The following ANAPC1 variants were observed in gnomAD, a reference collection of about 807,000 sequenced individuals.
ANAPC1 encodes the protein anaphase-promoting complex subunit 1.
A neutral mutation model predicts 208.0 loss-of-function variants in ANAPC1; 36 were observed. That is an observed-to-expected ratio of 0.17 (90% CI 0.13 to 0.23). The LOEUF (loss-of-function observed/expected upper bound fraction) is 0.23, where lower values mean the gene tolerates loss of function less well. Among genes scored for constraint, ANAPC1 ranks in the 10% least tolerant of loss-of-function variants. The probability of loss-of-function intolerance (pLI) is 1.00; values close to 1 mark genes in which losing one functional copy is unlikely to be tolerated. For missense variants in ANAPC1, 942 were observed against 2,011.6 expected (o/e 0.47, Z 10.17); for synonymous variants, 378 against 695.2 (o/e 0.54, Z 7.18).
chr2:111,844,313 A>G (rs935245907), intron 16 of ANAPC1, among the ~76,000 whole-genome samples: 4 of 151,934 alleles, frequency 2.6e-5, no homozygotes, highest in Non-Finnish European at 5.9e-5. Flanking sequence ...TCACGCCTGT[A>G]ATCTAAGCAC....
chr2:111,785,673 C>T (rs796770448), intron 39 of ANAPC1, among the ~76,000 whole-genome samples, 196 bp from the exon 40 acceptor site: 213 of 145,308 alleles, frequency 1.5e-3, no homozygotes, highest in South Asian at 3.4e-3. Flanking sequence ...TATAACTGAC[C>T]TTTGACCCAA....
Position 111,843,557 on chromosome 2 carries a change from T to C in ANAPC1, c.1895A>G (p.Glu632Gly). 3.1e-6 allele frequency: 5 copies of C among 1,611,862 alleles called. No homozygotes were observed. The highest frequency in any genetic ancestry group is 4.2e-6 in the Non-Finnish European group (5 of 1,179,770). ...CTTGACAAGCATCTGAACTGCTATT[T>C]CTTTTGGCAGGATAAACTTAATTGC... Reference protein sequence around the residue: ...LQAIKFILPKEIAVQMLVKWY... With the variant: ...LQAIKFILPKGIAVQMLVKWY... Residue 632 changes from glutamate (E) to glycine (G), a missense_variant, in exon 17 of 48, where the codon GAA becomes GGA. Transcript: ENST00000341068.
chr2:111,781,783 G>C (rs1038794558), intron 43 of ANAPC1, among the ~76,000 whole-genome samples: 1 of 152,274 alleles, frequency 6.6e-6, no homozygotes, highest in Non-Finnish European at 1.5e-5. Context: ...CAAGAATATA[G>C]AGCAAAATAT....
chr2:111,869,427 T>C (rs1332575772), intron 6 of ANAPC1, among the ~76,000 whole-genome samples: 2 of 152,170 alleles, frequency 1.3e-5, no homozygotes, highest in African/African-American at 4.8e-5. Context: ...GTATTTTTAG[T>C]AGAGACAGGG....
In ANAPC1 at chr2:111,857,388, C is replaced by T. The variant is rs183710169; in HGVS notation, c.1359-502G>A. Among the ~76,000 whole-genome samples the T allele has an allele frequency of 7.5e-4, 114 of 152,180 alleles. 3 individuals carry two copies. In the Middle Eastern group the frequency reaches 0.017, roughly 23 times the overall value. The stretch of plus-strand genomic sequence containing the variant: ...CAAAATATGAAGGTAAATAAATGGG[C>T]AAAAGATCTGAATAGCTATTTTACC... On this transcript the variant is annotated intron_variant, in intron 11 of 47. Coordinates refer to ENST00000341068, the MANE Select transcript of ANAPC1 (RefSeq NM_022662.4).
At chr2:111,833,033 C>T (rs1159614297) in intron 20 of ANAPC1, among the ~76,000 whole-genome samples, 187 bp downstream of exon 20, 2 of 150,056 alleles carry the variant, frequency 1.3e-5, no homozygotes, top group African/African-American at 4.9e-5. Context: ...TCCCTATACA[C>T]TGAAGATATT....
rs767383936 is a variant in ANAPC1 at position 111,856,800 on chromosome 2, A to C, written c.1445T>G (p.Val482Gly). The C allele has an allele frequency of 6.2e-7, 1 of 1,613,346 alleles. No individual in the cohort carries two copies. The highest frequency in any genetic ancestry group is 8.5e-7 in the Non-Finnish European group (1 of 1,179,842). The change falls in exon 12 of 48, where the codon GTG becomes GGG. Residue 482 changes from valine to glycine, a missense_variant. By Grantham distance (109) the Val-to-Gly change is moderately radical. Transcript: ENST00000341068. ...TCTCAAATGTGCCTACATTACCTCC[A>C]CTGGTGCTGCATCCTTTGCTGGTAT... is the stretch of plus-strand genomic sequence containing the variant. ...TNIPAKDAAP[V>G]EKIDTMLVLE...
rs564905496 is a variant in ANAPC1, at chr2:111,801,690, T to G, written c.4221+738A>C. On this transcript the variant is annotated intron_variant, in intron 33 of 47. Transcript: ENST00000341068. ...TATGGTTAAGTTAAAAATCCTAAGT[T>G]GGGAACCGTCTTACTCATTAAACTA... Among the ~76,000 whole-genome samples, 47 of 151,584 alleles carry G rather than the reference T, an allele frequency of 3.1e-4. No homozygotes were observed. The South Asian group carries it at 9.4e-3, about 30-fold the overall frequency.
rs548067705 is a variant in ANAPC1, at chr2:111,825,973, C to T, written c.2626-118G>A. 28 of 788,344 alleles carry T rather than the reference C, an allele frequency of 3.6e-5. No individual in the cohort carries two copies. In the South Asian group the frequency reaches 6.4e-4, roughly 18 times the overall value. 48.8% of individuals were successfully genotyped at this position (788,344 alleles called of 1,614,324 possible). ...CTCACTGCAGCCTCAAACTCCTTGG[C>T]TCAAGCAATCTTCCTGCTTCAGTCT... On this transcript the variant is annotated intron_variant, in intron 21 of 47. Transcript: ENST00000341068.
At chr2:111,852,127 T>C (rs1681436151) in intron 13 of ANAPC1, among the ~76,000 whole-genome samples, 2 of 148,854 alleles carry the variant, frequency 1.3e-5, no homozygotes, top group South Asian at 4.4e-4. Flanking sequence ...AAAGATGGAA[T>C]AAGCACATAC....
intron 5 of ANAPC1, 156 bp downstream of exon 5, chr2:111,873,152 T>C (rs1194559737): frequency 1.4e-6 from 1 of 740,422 alleles, no homozygotes; most frequent in Non-Finnish European, 2.1e-6. Context: ...TACAGAAAAA[T>C]GGTAAGCCAC....
chr2:111,777,100 G>A (rs775051017), intron 45 of ANAPC1, 43 bp from the exon 46 acceptor site: 97 of 489,254 alleles, frequency 2.0e-4, no homozygotes, highest in Non-Finnish European at 3.3e-4. Flanking sequence ...ATCAAAGAGT[G>A]CTCTGTCTCT....
intron 3 of ANAPC1, among the ~76,000 whole-genome samples, chr2:111,875,515 C>G (rs75361678): frequency 0.17 from 26,238 of 152,098 alleles, 2,755 homozygotes; most frequent in Middle Eastern, 0.3. Flanking sequence ...CTTTATCACC[C>G]CTTCTTTGCC....
chr2:111,794,210 C>T (rs762320917), intron 36 of ANAPC1, 23 bp downstream of exon 36: 1 of 1,585,144 alleles, frequency 6.3e-7, no homozygotes, highest in East Asian at 2.2e-5. Context: ...AAAAAGAACA[C>T]AGTAAACTAA....
In ANAPC1 at chr2:111,850,830, T is replaced by G; in HGVS notation, c.1596A>C (p.Leu532=). 2 of 1,611,978 alleles carry G rather than the reference T, an allele frequency of 1.2e-6. No individual in the cohort carries two copies. Residue 532 remains leucine (L), a synonymous_variant, in exon 14 of 48, where the codon CTA becomes CTC. Coordinates refer to ENST00000341068, the MANE Select transcript of ANAPC1 (RefSeq NM_022662.4). ...GAGGCTTTGGAGTACTAACGCCATC[T>G]AGTGGAGTACTGGGCCGAGGCATTG... ...SNTMPRPSTP[L]DGVSTPKPLS... is the part of the protein sequence containing the mutation.
intron 3 of ANAPC1, among the ~76,000 whole-genome samples, chr2:111,876,241 G>C (rs1171594328): frequency 6.9e-6 from 1 of 145,222 alleles, no homozygotes; most frequent in Admixed American, 7.1e-5. Flanking sequence ...AAAACAAAAA[G>C]AATAAATGAA....
rs1438155888 is a variant in ANAPC1 at position 111,881,248 on chromosome 2, A to G, written c.-24-399T>C. The stretch of plus-strand genomic sequence containing the variant: ...ATTTCTGGTTAGATGCCAGAACCTC[A>G]TTTGAAAAGTACATCTAAGGGATCA... On this transcript the variant is annotated intron_variant, in intron 1 of 47. Transcript: ENST00000341068. 1.2e-4 allele frequency among the ~76,000 whole-genome samples: 18 copies of G among 152,258 alleles called. No homozygotes were observed. The East Asian group carries it at 1.9e-3, about 16-fold the overall frequency.
chr2:111,873,188 T>C, intron 5 of ANAPC1, 120 bp downstream of exon 5: 7 of 1,027,678 alleles, frequency 6.8e-6, no homozygotes, highest in Non-Finnish European at 9.4e-6. Context: ...TTAGTTATTT[T>C]GAGTAAAAAT....
chr2:111,800,328 C>T (rs1234593846), intron 34 of ANAPC1, among the ~76,000 whole-genome samples: 6 of 136,986 alleles, frequency 4.4e-5, no homozygotes, highest in Admixed American at 1.5e-4. Context: ...TTACAATATT[C>T]GGTTTTCAGT....
Sources: gnomAD v4.1 joint callset for allele counts (sites outside exome capture counted in the v4.1 genomes callset) on GRCh38, gnomAD v4.1.1 for gene constraint, MANE v1.5 for transcripts, NCBI Gene and HGNC (gene_info 2026-07-23, HGNC 2026-07-21) for gene names.